SLC35F1: variants seen among roughly 807,000 people sequenced by gnomAD.
SLC35F1 encodes the protein solute carrier family 35 member F1.
In SLC35F1, 14 loss-of-function variants were observed where a neutral mutation model predicts 48.7. The observed-to-expected ratio is 0.29, with a 90% CI of 0.19 to 0.45. The LOEUF (loss-of-function observed/expected upper bound fraction) is 0.45, where lower values mean the gene tolerates loss of function less well. SLC35F1 is among the 20% of genes least tolerant of loss of function. SLC35F1 has a pLI of 1.00. For synonymous variants in SLC35F1, 190 were observed against 202.2 expected, an observed-to-expected ratio of 0.94 and a Z score of 0.51; for missense variants, 404 against 500.0, an observed-to-expected ratio of 0.81 and a Z score of 1.83.
intron 1 of SLC35F1, among the ~76,000 whole-genome samples, chr6:118,133,274 A>G (rs1230243601): frequency 6.6e-6 from 1 of 152,164 alleles, no homozygotes; most frequent in Non-Finnish European, 1.5e-5. Context: ...AAAGAATTAA[A>G]AATGAAACCC....
Position 117,923,643 on chromosome 6 carries a change from G to A in SLC35F1, c.173+15744G>A, listed in dbSNP as rs763856560. Among the ~76,000 whole-genome samples the A allele has an allele frequency of 5.3e-4, 31 of 58,760 alleles. 5 individuals are homozygous for A. The highest frequency in any genetic ancestry group is 1.4e-3 in the East Asian group (3 of 2,078). 38.5% of individuals were successfully genotyped at this position (58,760 alleles called of 152,430 possible). ...TGTATATATACATATATGTACATAT[G>A]TACATATGTACATATGTATATATAC... On this transcript the variant is annotated intron_variant, in intron 1 of 7. Transcript: ENST00000360388.
intron 3 of SLC35F1, among the ~76,000 whole-genome samples, chr6:118,265,035 G>T (rs1192081533): frequency 6.6e-6 from 1 of 152,208 alleles, no homozygotes; most frequent in Non-Finnish European, 1.5e-5. Flanking sequence ...GCATTCACGT[G>T]GTCCTTCCTC....
intron 4 of SLC35F1, among the ~76,000 whole-genome samples, chr6:118,268,600 A>ATTTT (rs139088554): frequency 5.1e-4 from 45 of 87,880 alleles, no homozygotes; most frequent in Admixed American, 9.1e-4. Flanking sequence ...ATATATATAT[A>ATTTT]TTTTTTTTTT....
chr6:118,089,811 A>G (rs1399661858), intron 1 of SLC35F1, among the ~76,000 whole-genome samples: 1 of 152,192 alleles, frequency 6.6e-6, no homozygotes, highest in African/African-American at 2.4e-5. Flanking sequence ...TCCCCAGATA[A>G]TCATCAGCCT....
chr6:118,103,272 T>A (rs200485772), intron 1 of SLC35F1, among the ~76,000 whole-genome samples: 7 of 151,930 alleles, frequency 4.6e-5, no homozygotes, highest in Non-Finnish European at 8.8e-5. Context: ...TTTTTTTAAA[T>A]TTTATTATTA....
chr6:118,193,511 C>T (rs139011891), intron 2 of SLC35F1, among the ~76,000 whole-genome samples: 102 of 152,266 alleles, frequency 6.7e-4, no homozygotes, highest in African/African-American at 2.3e-3. Context: ...AATCCTTTAA[C>T]CCTCTAAACT....
chr6:118,139,903 G>A (rs918362267), intron 1 of SLC35F1, among the ~76,000 whole-genome samples: 8 of 152,076 alleles, frequency 5.3e-5, no homozygotes, highest in Non-Finnish European at 1.0e-4. Flanking sequence ...GAGGAGGTAG[G>A]GAGCTAGAAA....
At chr6:117,979,100 T>C (rs1776742316) in intron 1 of SLC35F1, among the ~76,000 whole-genome samples, 1 of 152,246 alleles carries the variant, frequency 6.6e-6, no homozygotes, top group African/African-American at 2.4e-5. Flanking sequence ...TGTACTACTG[T>C]CTGACTCATT....
chr6:118,210,848 A>G (rs562315942), intron 2 of SLC35F1, among the ~76,000 whole-genome samples: 1 of 152,278 alleles, frequency 6.6e-6, no homozygotes, highest in African/African-American at 2.4e-5. Flanking sequence ...GCCCTCTTTC[A>G]TGAATCCATC....
At chr6:118,230,107 C>T (rs1432701568) in intron 2 of SLC35F1, among the ~76,000 whole-genome samples, 4 of 152,084 alleles carry the variant, frequency 2.6e-5, no homozygotes, top group African/African-American at 9.7e-5. Flanking sequence ...TTTGGGAGGC[C>T]ATGGTGGGCC....
intron 1 of SLC35F1, among the ~76,000 whole-genome samples, chr6:117,920,287 C>T (rs1466499569): frequency 6.6e-6 from 1 of 152,272 alleles, no homozygotes. Context: ...GAGGGGCGCT[C>T]GGACTACAGA....
chr6:118,236,836 A>G (rs911718265), intron 3 of SLC35F1, among the ~76,000 whole-genome samples: 2 of 152,222 alleles, frequency 1.3e-5, no homozygotes, highest in African/African-American at 4.8e-5. Context: ...ATACAAGGCA[A>G]TAGCCAGATG....
chr6:118,029,418 T>A (rs1216054132), intron 1 of SLC35F1, among the ~76,000 whole-genome samples: 1 of 152,296 alleles, frequency 6.6e-6, no homozygotes, highest in South Asian at 2.1e-4. Flanking sequence ...TTTATTACCA[T>A]GTATTGCTAG....
chr6:118,085,022 G>C (rs117908126), intron 1 of SLC35F1, among the ~76,000 whole-genome samples: 1 of 152,230 alleles, frequency 6.6e-6, no homozygotes, highest in East Asian at 1.9e-4. Context: ...TCTTCCGGTT[G>C]TAGGTAGCCT....
intron 1 of SLC35F1, among the ~76,000 whole-genome samples, chr6:118,047,328 A>G (rs1405982355): frequency 6.6e-6 from 1 of 152,210 alleles, no homozygotes; most frequent in African/African-American, 2.4e-5. Context: ...GTTTGTAGAC[A>G]TAAAACTTAG....
At chr6:118,223,063 T>C (rs1240780902) in intron 2 of SLC35F1, among the ~76,000 whole-genome samples, 1 of 152,224 alleles carries the variant, frequency 6.6e-6, no homozygotes, top group Admixed American at 6.5e-5. Flanking sequence ...AAGTACATGC[T>C]TTAATATTTT....
chr6:118,296,839 G>A (rs539314259), intron 7 of SLC35F1, among the ~76,000 whole-genome samples: 4 of 152,174 alleles, frequency 2.6e-5, no homozygotes, highest in African/African-American at 9.7e-5. Context: ...CAGCCTGGCC[G>A]TTCAGTCGTA....
At chr6:118,205,139 A>G (rs946986897) in intron 2 of SLC35F1, among the ~76,000 whole-genome samples, 3 of 152,186 alleles carry the variant, frequency 2.0e-5, no homozygotes, top group Admixed American at 6.5e-5. Flanking sequence ...TCAAGTCAAG[A>G]CAATGCTGTG....
rs1471989390 is a variant in SLC35F1, at chr6:118,041,772, T to G, written c.174-112673T>G. Among the ~76,000 whole-genome samples the G allele has an allele frequency of 2.6e-5, 4 of 152,012 alleles. No homozygotes were observed. The South Asian group carries it at 8.3e-4, about 31-fold the overall frequency. ...AAAACGCCCTGAGGCAGAAACAAGC[T>G]TGGTGTATCAGAAAGACAGAAGGAA... On this transcript the variant is annotated intron_variant, in intron 1 of 7. Coordinates refer to ENST00000360388, the MANE Select transcript of SLC35F1 (RefSeq NM_001029858.4).
Sources: allele counts gnomAD v4.1 joint callset (sites outside exome capture counted in the v4.1 genomes callset), GRCh38; gene constraint gnomAD v4.1.1; transcripts MANE v1.5; gene names NCBI Gene and HGNC (gene_info 2026-07-23, HGNC 2026-07-21).